DGKB: variants seen among roughly 807,000 people sequenced by gnomAD.
The protein encoded by DGKB is 90 kDa diacylglycerol kinase.
Under a neutral mutation model 114.3 loss-of-function variants are expected in DGKB, and 67 were observed. That is an observed-to-expected ratio of 0.59 (90% CI 0.48 to 0.72). DGKB has a LOEUF of 0.72. Ranked by LOEUF, DGKB falls within the 30% of genes least tolerant of loss-of-function variation. The probability of loss-of-function intolerance (pLI) is 0.00; values close to 1 mark genes in which losing one functional copy is unlikely to be tolerated. For synonymous variants in DGKB, 398 were observed against 323.1 expected, an observed-to-expected ratio of 1.23 and a Z score of -2.49; for missense variants, 907 against 975.2, an observed-to-expected ratio of 0.93 and a Z score of 0.93.
At chr7:14,805,640 A>G (rs903341916) in intron 2 of DGKB, among the ~76,000 whole-genome samples, 1 of 151,908 alleles carries the variant, frequency 6.6e-6, no homozygotes, top group Admixed American at 6.6e-5. Context: ...TTTTTAGTCC[A>G]TGGAGAAGTC....
chr7:14,585,922 T>G (rs1014185631), intron 17 of DGKB, among the ~76,000 whole-genome samples: 37 of 152,310 alleles, frequency 2.4e-4, no homozygotes, highest in African/African-American at 8.7e-4. Flanking sequence ...GTGTTCTGAC[T>G]GCTCCACCCA....
At chr7:14,152,259 A>C (rs1782325121) in intron 25 of DGKB, among the ~76,000 whole-genome samples, 1 of 152,080 alleles carries the variant, frequency 6.6e-6, no homozygotes, top group Admixed American at 6.6e-5. Context: ...AGCGTCAGGT[A>C]ATTACTTCTC....
At chr7:14,700,079 G>T (rs1208315029) in intron 7 of DGKB, among the ~76,000 whole-genome samples, 1 of 151,946 alleles carries the variant, frequency 6.6e-6, no homozygotes, top group Non-Finnish European at 1.5e-5. Context: ...GCATATTAAA[G>T]TATCTAGAAG....
At chr7:14,796,688 A>T (rs976571079) in intron 2 of DGKB, among the ~76,000 whole-genome samples, 2 of 50,654 alleles carry the variant, frequency 3.9e-5, no homozygotes, top group Non-Finnish European at 6.1e-5. Context: ...TCTAGAAAGT[A>T]AAAAAAAAAA....
intron 21 of DGKB, among the ~76,000 whole-genome samples, chr7:14,451,091 G>C (rs1166408819): frequency 1.3e-5 from 2 of 152,028 alleles, no homozygotes; most frequent in Non-Finnish European, 2.9e-5. Flanking sequence ...CTGGGAGACA[G>C]AATCTTCCCC....
At chr7:14,324,185 A>G (rs1302266023) in intron 23 of DGKB, among the ~76,000 whole-genome samples, 2 of 152,188 alleles carry the variant, frequency 1.3e-5, no homozygotes, top group Admixed American at 1.3e-4. Flanking sequence ...ACAGTGGCTC[A>G]TGCCTGTAAT....
At chr7:14,695,645 G>A (rs189602828) in intron 8 of DGKB, among the ~76,000 whole-genome samples, 1,578 of 151,558 alleles carry the variant, frequency 0.01, 27 homozygotes, top group African/African-American at 0.035. Flanking sequence ...GACTACAGGC[G>A]TCCGCCACTA....
intron 23 of DGKB, among the ~76,000 whole-genome samples, chr7:14,305,864 A>C (rs1804378580): frequency 6.6e-6 from 1 of 152,278 alleles, no homozygotes; most frequent in South Asian, 2.1e-4. Flanking sequence ...CTACCAGTCT[A>C]CTTGAATTTG....
At chr7:14,557,818 G>A (rs1382058071) in intron 20 of DGKB, among the ~76,000 whole-genome samples, 1 of 150,296 alleles carries the variant, frequency 6.7e-6, no homozygotes, top group African/African-American at 2.4e-5. Flanking sequence ...TTATTTCATT[G>A]TCATCAAGGA....
chr7:14,567,336 T>TAATTATATTATTTATATTA (rs1797639913), intron 20 of DGKB, among the ~76,000 whole-genome samples: 1 of 27,428 alleles, frequency 3.6e-5, no homozygotes, highest in African/African-American at 1.6e-4. Context: ...TATTATATAT[T>TAATTATATTATTTATATTA]TATATATTAT....
intron 2 of DGKB, among the ~76,000 whole-genome samples, chr7:14,805,233 T>C (rs751171903): frequency 1.5e-4 from 23 of 152,106 alleles, no homozygotes; most frequent in Admixed American, 3.9e-4. Flanking sequence ...ACCCATTTCA[T>C]TGGACTCCAA....
At chr7:14,892,393 C>G (rs953140050) in intron 1 of DGKB, among the ~76,000 whole-genome samples, 1 of 150,988 alleles carries the variant, frequency 6.6e-6, no homozygotes, top group African/African-American at 2.4e-5. Context: ...AGGAAAATTG[C>G]CATACAGACC....
chr7:14,687,385 C>A (rs1031694983), intron 9 of DGKB, among the ~76,000 whole-genome samples: 2 of 152,152 alleles, frequency 1.3e-5, no homozygotes, highest in Non-Finnish European at 2.9e-5. Context: ...ATACAGAAAA[C>A]TTCAGAAAAC....
At chr7:14,174,988 G>T (rs1359054855) in intron 25 of DGKB, among the ~76,000 whole-genome samples, 1 of 152,216 alleles carries the variant, frequency 6.6e-6, no homozygotes, top group Non-Finnish European at 1.5e-5. Flanking sequence ...TAATGTTTAT[G>T]TGTTATACAC....
chr7:14,514,810 T>C (rs1035584608), intron 20 of DGKB, among the ~76,000 whole-genome samples: 16 of 152,004 alleles, frequency 1.1e-4, no homozygotes, highest in African/African-American at 3.6e-4. Context: ...TCTCAACACA[T>C]TGGGAGGCTG....
chr7:14,153,308 G>A (rs1187472602), intron 25 of DGKB, among the ~76,000 whole-genome samples: 1 of 151,976 alleles, frequency 6.6e-6, no homozygotes, highest in South Asian at 2.1e-4. Flanking sequence ...CTTTCCATAA[G>A]CATTTATTGA....
Position 14,205,354 on chromosome 7 carries a change from C to G in DGKB, c.2123-27203G>C, listed in dbSNP as rs557363605. Among the ~76,000 whole-genome samples the G allele has an allele frequency of 3.9e-5, 6 of 151,964 alleles. No individual in the cohort carries two copies. The East Asian group carries it at 1.2e-3, about 30-fold the overall frequency. ...GAGACCCACCCACAGTAACCATCTT[C>G]TCTGCTTGGACCATCAGAATCTTTC... is the stretch of plus-strand genomic sequence containing the variant. On this transcript the variant is annotated intron_variant, in intron 23 of 25. Transcript: ENST00000402815.
At position 14,278,235 on chromosome 7, in the gene DGKB, T is replaced by C. The variant is rs1319235268; in HGVS notation, c.2122+60280A>G. 2.0e-5 allele frequency among the ~76,000 whole-genome samples: 3 copies of C among 148,406 alleles called. No homozygotes were observed. The East Asian group carries it at 5.8e-4, about 29-fold the overall frequency. On this transcript the variant is annotated intron_variant, in intron 23 of 25. Transcript: ENST00000402815. The stretch of plus-strand genomic sequence containing the variant: ...AACTGGGGCATCACATGCCCTGAGT[T>C]AAAAAATATTATGAAGCAATTGCTA...
intron 23 of DGKB, among the ~76,000 whole-genome samples, chr7:14,210,805 A>T (rs144544388): frequency 1.1e-3 from 165 of 152,044 alleles, no homozygotes; most frequent in African/African-American, 3.7e-3. Flanking sequence ...ATAAACCAGC[A>T]CCTACCTTTC....
Sources: allele counts gnomAD v4.1 joint callset (sites outside exome capture counted in the v4.1 genomes callset), GRCh38; gene constraint gnomAD v4.1.1; transcripts MANE v1.5; gene names NCBI Gene and HGNC (gene_info 2026-07-23, HGNC 2026-07-21).